FUOM: variants seen among roughly 807,000 people sequenced by gnomAD.
FUOM encodes the protein fucose mutarotase.
FUOM carries 19 observed loss-of-function variants against 18.3 expected under a neutral mutation model. The observed-to-expected ratio is 1.04, with a 90% CI of 0.73 to 1.53. The LOEUF is 1.53. Among genes scored for constraint, FUOM ranks in the 40% most tolerant of loss-of-function variants. FUOM has a pLI of 0.00. For missense variants in FUOM, 210 were observed against 200.9 expected (o/e 1.04, Z -0.27); for synonymous variants, 102 against 87.9 (o/e 1.16, Z -0.90).
intron 5 of FUOM, 42 bp from the exon 6 acceptor site, chr10:133,355,478 C>T (rs371309419): frequency 2.6e-4 from 416 of 1,607,268 alleles, no homozygotes; most frequent in Non-Finnish European, 3.5e-4. Flanking sequence ...GGCTGCAGGG[C>T]CAGGGTGCCG....
At chr10:133,356,860 C>T in intron 3 of FUOM, 83 bp downstream of exon 3, 1 of 1,481,908 alleles carries the variant, frequency 6.7e-7, no homozygotes, top group Non-Finnish European at 9.2e-7. Flanking sequence ...CCCCCCACTC[C>T]AAGGCAGGTG....
intron 1 of FUOM, 79 bp downstream of exon 1, chr10:133,357,844 G>A (rs1378595558): frequency 7.9e-7 from 1 of 1,264,622 alleles, no homozygotes; most frequent in Non-Finnish European, 1.1e-6. Context: ...GGCCCTTCCC[G>A]GCCCGGGGGT....
At chr10:133,357,067 G>C (rs1189832956) in intron 2 of FUOM, 54 bp from the exon 3 acceptor site, 1 of 1,541,604 alleles carries the variant, frequency 6.5e-7, no homozygotes, top group Non-Finnish European at 8.8e-7. Context: ...CCGCCTGCCT[G>C]TCTGCACCCT....
chr10:133,357,183 T>C lies in FUOM; in HGVS notation c.154+4A>G, dbSNP rs1358613071. On this transcript the variant is annotated splice_donor_region_variant and intron_variant, in intron 2 of 5. Coordinates refer to ENST00000278025, the MANE Select transcript of FUOM (RefSeq NM_001098483.3). ...CTGCCCTGGGGGACCTGGGGCTCGC[T>C]CACCGTCTGCACGGATCTCCATGGG... The C allele has an allele frequency of 6.4e-7, 1 of 1,567,798 alleles. No individual in the cohort carries two copies. The highest frequency in any genetic ancestry group is 8.6e-7 in the Non-Finnish European group (1 of 1,157,496).
At chr10:133,357,480 G>C in intron 1 of FUOM, 1 of 595,754 alleles carries the variant, frequency 1.7e-6, no homozygotes, top group Non-Finnish European at 3.0e-6. Context: ...GCAGAGAGGC[G>C]TCAACAGCTG....
At chr10:133,353,573 G>C (rs34608857), downstream of FUOM, among the ~76,000 whole-genome samples, 13,954 of 152,258 alleles carry the variant, frequency 0.092, 784 homozygotes, top group Admixed American at 0.15. Context: ...GGGGCTGAGG[G>C]TTTGCCCAGG....
At chr10:133,356,813 T>G (rs1444460085) in intron 3 of FUOM, 75 bp from the exon 4 acceptor site, 1 of 1,452,052 alleles carries the variant, frequency 6.9e-7, no homozygotes, top group Non-Finnish European at 9.3e-7. Flanking sequence ...GGGACTCCCC[T>G]GGTGAGGGTC....
chr10:133,357,856 C>T (rs1848861535), intron 1 of FUOM, 67 bp downstream of exon 1: 3 of 1,373,072 alleles, frequency 2.2e-6, no homozygotes, highest in Non-Finnish European at 2.9e-6. Context: ...CCCGGGGGTC[C>T]CCGTGCAAGC....
In FUOM at chr10:133,355,770, C is replaced by T; in HGVS notation, c.366G>A (p.Arg122=). 1.2e-6 allele frequency: 2 copies of T among 1,613,296 alleles called. No homozygotes were observed. Among genetic ancestry groups the T allele is most frequent in the East Asian group, 2.2e-5 (1 of 44,878 alleles). ...AKIERFEFYE[R]AKKAFAVVAT... ...CCACAACAGCAAAAGCCTTCTTAGC[C>T]CGTTCATAAAACTCAAACCTCTCTA... Residue 122 remains arginine, a synonymous_variant, in exon 5 of 6, where the codon CGG becomes CGA. Coordinates refer to ENST00000278025, the MANE Select transcript of FUOM (RefSeq NM_001098483.3).
intron 1 of FUOM, 163 bp downstream of exon 1, chr10:133,357,760 C>T: frequency 3.5e-6 from 2 of 565,106 alleles, no homozygotes. Flanking sequence ...TCTCAGTTCC[C>T]TAAAGAATGC....
chr10:133,356,511 G>A (rs1564797893), intron 4 of FUOM, 129 bp downstream of exon 4: 4 of 601,960 alleles, frequency 6.6e-6, no homozygotes, highest in Non-Finnish European at 1.1e-5. Context: ...GTGGTCCGGG[G>A]TTCTCAGGGT....
intron 5 of FUOM, 53 bp downstream of exon 5, chr10:133,355,685 A>G: frequency 6.3e-7 from 1 of 1,578,564 alleles, no homozygotes; most frequent in Admixed American, 1.7e-5. Context: ...GGATGGGGGC[A>G]GCTCCTGAGG....
In FUOM at chr10:133,357,197, G is replaced by T; in HGVS notation, c.144C>A (p.Ile48=). The change falls in exon 2 of 6, where the codon ATC becomes ATA. Residue 48 remains isoleucine, a synonymous_variant. Coordinates refer to ENST00000278025, the MANE Select transcript of FUOM (RefSeq NM_001098483.3). ...SSICQCGPME[I]RADGLGIPQL... ...CTGGGGCTCGCTCACCGTCTGCACG[G>T]ATCTCCATGGGCCCACACTGGCAGA... 1 of 1,577,418 alleles carries T rather than the reference G, an allele frequency of 6.3e-7. No homozygotes were observed. The highest frequency in any genetic ancestry group is 1.2e-5 in the South Asian group (1 of 85,930).
At chr10:133,354,585 G>A (rs560432304), downstream of FUOM, among the ~76,000 whole-genome samples, 9 of 152,154 alleles carry the variant, frequency 5.9e-5, no homozygotes, top group East Asian at 5.8e-4. Context: ...GGAGCAAGAC[G>A]AGGGTCCGGA....
rs1159502999 is a variant in FUOM at position 133,356,930 on chromosome 10, A to T, written c.225+13T>A. 3.9e-6 allele frequency: 6 copies of T among 1,549,714 alleles called. No individual in the cohort carries two copies. In the Admixed American group the frequency reaches 7.8e-5, roughly 20 times the overall value. ...CACGGAGCAGCAGGGTGCAGGGGCGACTCAGCCCTCACCGGACTCTCCACA... is the reference window on the plus strand; with the variant it reads ...CACGGAGCAGCAGGGTGCAGGGGCGTCTCAGCCCTCACCGGACTCTCCACA... On this transcript the variant is annotated intron_variant, in intron 3 of 5. Coordinates refer to ENST00000278025, the MANE Select transcript of FUOM (RefSeq NM_001098483.3).
At chr10:133,354,593 G>A (rs1049826100), downstream of FUOM, among the ~76,000 whole-genome samples, 5 of 152,132 alleles carry the variant, frequency 3.3e-5, no homozygotes, top group Admixed American at 1.3e-4. Flanking sequence ...ACGAGGGTCC[G>A]GACAGTGGCT....
In FUOM at chr10:133,357,969, G is replaced by A; in HGVS notation, c.39C>T (p.Pro13=). The change falls in exon 1 of 6, where the codon CCC becomes CCT. Residue 13 remains proline (P), a synonymous_variant. Transcript: ENST00000278025. ...TCCGCGCCAGCGCGTAGAGCAGCTC[G>A]GGGGACAGCAGTGCGGGGACACCCT... ...ALKGVPALLS[P]ELLYALARMG... 2 of 1,522,918 alleles carry A rather than the reference G, an allele frequency of 1.3e-6. No individual in the cohort carries two copies. Among genetic ancestry groups the A allele is most frequent in the Non-Finnish European group, 1.8e-6 (2 of 1,139,460 alleles). 94.3% of individuals were successfully genotyped at this position (1,522,918 alleles called of 1,614,324 possible).
downstream of FUOM, chr10:133,355,117 A>G (rs1848742809): frequency 3.7e-6 from 2 of 547,770 alleles, no homozygotes; most frequent in Non-Finnish European, 3.2e-6. Flanking sequence ...GCCTCCCTTG[A>G]GCTCAGCACC....
At chr10:133,354,662 C>T (rs1848734045), downstream of FUOM, among the ~76,000 whole-genome samples, 1 of 152,194 alleles carries the variant, frequency 6.6e-6, no homozygotes, top group African/African-American at 2.4e-5. Flanking sequence ...GCAAGCCTCC[C>T]AGGCACCCCC....
Sources: allele counts gnomAD v4.1 joint callset (sites outside exome capture counted in the v4.1 genomes callset), GRCh38; gene constraint gnomAD v4.1.1; transcripts MANE v1.5; gene names NCBI Gene and HGNC (gene_info 2026-07-23, HGNC 2026-07-21).